SGIP1: variants seen among roughly 807,000 people sequenced by gnomAD.
SGIP1 encodes the protein SH3-containing GRB2-like protein 3-interacting protein 1.
SGIP1 carries 38 observed loss-of-function variants against 107.5 expected under a neutral mutation model. The ratio of observed to expected loss-of-function variants is 0.35; its 90% CI spans 0.27 to 0.46. The LOEUF (loss-of-function observed/expected upper bound fraction) is 0.46. Among genes scored for constraint, SGIP1 ranks in the 20% least tolerant of loss-of-function variants. The pLI, the probability that SGIP1 is intolerant of heterozygous loss-of-function variation, is 1.00. For synonymous variants in SGIP1, 365 were observed against 366.1 expected (o/e 1.00, Z 0.03); for missense variants, 929 against 1,019.5 (o/e 0.91, Z 1.21).
intron 22 of SGIP1, among the ~76,000 whole-genome samples, chr1:66,739,750 C>A (rs1328991777): frequency 6.6e-6 from 1 of 152,236 alleles, no homozygotes; most frequent in Non-Finnish European, 1.5e-5. Context: ...GCTAAAGGAA[C>A]AGGCTGGATC....
intron 1 of SGIP1, among the ~76,000 whole-genome samples, chr1:66,590,944 G>A (rs1241750235): frequency 6.6e-6 from 1 of 152,154 alleles, no homozygotes; most frequent in Non-Finnish European, 1.5e-5. Context: ...GCTGTCAGTG[G>A]CTCACTTGTC....
chr1:66,592,066 T>C (rs2063734997), intron 1 of SGIP1, among the ~76,000 whole-genome samples: 1 of 152,194 alleles, frequency 6.6e-6, no homozygotes, highest in Admixed American at 6.5e-5. Context: ...AGGAGACAGA[T>C]GCCTTCCTCT....
intron 1 of SGIP1, among the ~76,000 whole-genome samples, chr1:66,585,242 T>C (rs567844124): frequency 1.1e-3 from 164 of 152,290 alleles, no homozygotes; most frequent in Admixed American, 2.6e-3. Context: ...TTCTAGTTTG[T>C]TTTGTTCTGT....
At chr1:66,545,784 C>T (rs1472678085) in intron 1 of SGIP1, among the ~76,000 whole-genome samples, 1 of 152,040 alleles carries the variant, frequency 6.6e-6, no homozygotes, top group East Asian at 1.9e-4. Context: ...AGGCCAGTAA[C>T]TCAGGCAGGC....
intron 3 of SGIP1, among the ~76,000 whole-genome samples, chr1:66,635,073 AG>A (rs1404966489): frequency 6.6e-5 from 10 of 152,254 alleles, no homozygotes; most frequent in African/African-American, 2.4e-4. Context: ...CACAAACTAC[AG>A]GTGGTGGTGC....
chr1:66,579,468 G>T (rs2061525513), intron 1 of SGIP1, among the ~76,000 whole-genome samples: 1 of 152,174 alleles, frequency 6.6e-6, no homozygotes. Flanking sequence ...GGGCAGACTT[G>T]AAATGAAAAA....
At chr1:66,736,015 A>G (rs183401222) in intron 21 of SGIP1, among the ~76,000 whole-genome samples, 2 of 150,856 alleles carry the variant, frequency 1.3e-5, no homozygotes, top group Admixed American at 6.6e-5. Flanking sequence ...ACTTGACTGT[A>G]TTTCTCAATC....
chr1:66,682,018 C>T lies in SGIP1; in HGVS notation c.964C>T (p.His322Tyr). 2 of 1,614,186 alleles carry T rather than the reference C, an allele frequency of 1.2e-6. No homozygotes were observed. Among genetic ancestry groups the T allele is most frequent in the Non-Finnish European group, 1.7e-6 (2 of 1,180,038 alleles). ...CCATTTTTCTGATACATCCCCGGAA[C>T]ATGTTACTCCGGAGTTGACTCCAAG... ...WVHFSDTSPEHVTPELTPREK... is the reference protein window; with the variant it reads ...WVHFSDTSPEYVTPELTPREK... Residue 322 changes from histidine (H) to tyrosine (Y), a missense_variant, in exon 15 of 25, where the codon CAT becomes TAT. This residue lies in a region of SGIP1 where 588 missense variants were observed against 588.6 expected (regional missense o/e 1.00). Transcript: ENST00000371037.
At chr1:66,579,858 C>T (rs2061579831) in intron 1 of SGIP1, among the ~76,000 whole-genome samples, 1 of 152,132 alleles carries the variant, frequency 6.6e-6, no homozygotes, top group African/African-American at 2.4e-5. Context: ...CAACTTTGTC[C>T]TTTCAGTTGC....
chr1:66,602,744 A>G (rs1173957559), intron 1 of SGIP1, among the ~76,000 whole-genome samples: 1 of 152,154 alleles, frequency 6.6e-6, no homozygotes, highest in Non-Finnish European at 1.5e-5. Flanking sequence ...GATATATCTA[A>G]TGCTCTCTCC....
intron 20 of SGIP1, among the ~76,000 whole-genome samples, chr1:66,730,075 T>A (rs1259845310): frequency 6.6e-6 from 1 of 152,178 alleles, no homozygotes; most frequent in Non-Finnish European, 1.5e-5. Flanking sequence ...GTGCTGGGAT[T>A]ACAGCCATGA....
At chr1:66,658,693 A>G (rs1179742454) in intron 7 of SGIP1, among the ~76,000 whole-genome samples, 1 of 152,260 alleles carries the variant, frequency 6.6e-6, no homozygotes, top group African/African-American at 2.4e-5. Flanking sequence ...AGATATCTAA[A>G]TAATACAGAA....
chr1:66,650,888 A>AT (rs1487796891), intron 7 of SGIP1, among the ~76,000 whole-genome samples: 2 of 152,116 alleles, frequency 1.3e-5, no homozygotes, highest in Non-Finnish European at 2.9e-5. Flanking sequence ...TTCCTTACTG[A>AT]TTAAGATACT....
chr1:66,601,566 GA>G (rs1301022676), intron 1 of SGIP1, among the ~76,000 whole-genome samples: 1 of 151,860 alleles, frequency 6.6e-6, no homozygotes, highest in Non-Finnish European at 1.5e-5. Context: ...GAATAGAATA[GA>G]ATCCTAACAA....
At chr1:66,729,910 T>A (rs2093930286) in intron 20 of SGIP1, among the ~76,000 whole-genome samples, 1 of 152,218 alleles carries the variant, frequency 6.6e-6, no homozygotes. Flanking sequence ...CAAGTGGTTC[T>A]CCTGCCTCAG....
rs1284010138 is a variant in SGIP1 at position 66,745,315 on chromosome 1, G to A, written c.*2220G>A. 6.6e-6 allele frequency: 1 copy of A among 151,888 alleles called. No individual in the cohort carries two copies. Among genetic ancestry groups the A allele is most frequent in the Non-Finnish European group, 1.5e-5 (1 of 67,854 alleles). The allele number at this position is 151,888 out of a possible 1,614,324, so 9.4% of individuals were successfully genotyped here. ...TATAATCTCTTAACTGGTCTTTATG[G>A]AACAGAATGGGAGTCAACAATTTCA... is the stretch of plus-strand genomic sequence containing the variant. On this transcript the variant is annotated 3_prime_UTR_variant, in exon 25 of 25. Coordinates refer to ENST00000371037, the MANE Select transcript of SGIP1 (RefSeq NM_032291.4).
intron 1 of SGIP1, among the ~76,000 whole-genome samples, chr1:66,612,974 T>C (rs891496378): frequency 1.3e-5 from 2 of 152,212 alleles, no homozygotes; most frequent in Non-Finnish European, 2.9e-5. Context: ...GGTATTCAGC[T>C]GTTCTGGTAA....
intron 7 of SGIP1, 196 bp downstream of exon 7, chr1:66,643,915 T>C (rs1241872265): frequency 2.6e-6 from 1 of 388,138 alleles, no homozygotes; most frequent in East Asian, 4.0e-5. Context: ...TCCTTGTGCT[T>C]TTCAAAAAGG....
At chr1:66,615,770 G>A (rs2069140438) in intron 1 of SGIP1, among the ~76,000 whole-genome samples, 1 of 152,180 alleles carries the variant, frequency 6.6e-6, no homozygotes, top group Admixed American at 6.5e-5. Flanking sequence ...GGGAGGGACT[G>A]GAGATGGAAG....
Sources: gnomAD v4.1 joint callset for allele counts (sites outside exome capture counted in the v4.1 genomes callset) on GRCh38, gnomAD v4.1.1 for gene constraint, gnomAD v4.1.1 regional missense constraint, MANE v1.5 for transcripts, NCBI Gene and HGNC (gene_info 2026-07-23, HGNC 2026-07-21) for gene names.